Variants in ZNF90 observed in about 807,000 individuals in gnomAD.
The protein encoded by ZNF90 is zinc finger protein HTF9.
Under a neutral mutation model 12.0 loss-of-function variants are expected in ZNF90, and 11 were observed. The observed-to-expected ratio is 0.92, with a 90% CI of 0.58 to 1.52. The LOEUF is 1.52. ZNF90 is among the 40% of genes most tolerant of loss of function. The probability of loss-of-function intolerance (pLI) is 0.00; values close to 1 mark genes in which losing one functional copy is unlikely to be tolerated. For synonymous variants in ZNF90, 232 were observed against 240.1 expected, an observed-to-expected ratio of 0.97 and a Z score of 0.31; for missense variants, 765 against 711.5, an observed-to-expected ratio of 1.08 and a Z score of -0.86.
chr19:20,081,408 C>T (rs1427404650), intron 1 of ZNF90, among the ~76,000 whole-genome samples: 1 of 152,150 alleles, frequency 6.6e-6, no homozygotes, highest in Non-Finnish European at 1.5e-5. Flanking sequence ...ACGCTGGTCT[C>T]AAAATCCTGA....
chr19:20,116,364 T>C (rs1194340201), intron 3 of ZNF90, among the ~76,000 whole-genome samples: 1 of 152,182 alleles, frequency 6.6e-6, no homozygotes, highest in Non-Finnish European at 1.5e-5. Flanking sequence ...GATACAGGGT[T>C]TCACCATGTT....
chr19:20,112,300 G>C (rs961573988), intron 3 of ZNF90, among the ~76,000 whole-genome samples: 1 of 151,152 alleles, frequency 6.6e-6, no homozygotes, highest in African/African-American at 2.4e-5. Flanking sequence ...AGGGCAGTGG[G>C]CACTATTGCA....
At chr19:20,093,986 G>C (rs967317597) in intron 1 of ZNF90, among the ~76,000 whole-genome samples, 4 of 152,242 alleles carry the variant, frequency 2.6e-5, no homozygotes, top group Non-Finnish European at 5.9e-5. Flanking sequence ...TGGGCAGTCT[G>C]ATTTGCAGTG....
At chr19:20,108,090 G>A (rs1007279486) in intron 3 of ZNF90, among the ~76,000 whole-genome samples, 5 of 152,008 alleles carry the variant, frequency 3.3e-5, no homozygotes, top group African/African-American at 9.7e-5. Flanking sequence ...CAGCAGTTGC[G>A]TTTTGTGTAA....
chr19:20,104,615 G>A (rs2089016927), intron 2 of ZNF90, among the ~76,000 whole-genome samples: 2 of 152,082 alleles, frequency 1.3e-5, no homozygotes, highest in Non-Finnish European at 2.9e-5. Flanking sequence ...AAATTTAGTG[G>A]CATAAAATAT....
chr19:20,080,060 C>T (rs547339588), intron 1 of ZNF90: 8 of 334,352 alleles, frequency 2.4e-5, no homozygotes, highest in South Asian at 1.5e-4. Flanking sequence ...CTCAGCCTCC[C>T]GAGTAGCTGG....
intron 1 of ZNF90, among the ~76,000 whole-genome samples, chr19:20,098,075 G>A (rs2122497436): frequency 6.6e-6 from 1 of 151,952 alleles, no homozygotes; most frequent in Non-Finnish European, 1.5e-5. Flanking sequence ...ACCCAAATAA[G>A]CTGTCTACTT....
chr19:20,101,257 G>C (rs182382469), intron 1 of ZNF90, among the ~76,000 whole-genome samples: 22 of 152,302 alleles, frequency 1.4e-4, no homozygotes, highest in Admixed American at 6.5e-4. Flanking sequence ...ACTAGTCGCT[G>C]GGTTCCACGG....
At chr19:20,108,027 T>G (rs1319414422) in intron 3 of ZNF90, among the ~76,000 whole-genome samples, 5 of 151,544 alleles carry the variant, frequency 3.3e-5, no homozygotes, top group Non-Finnish European at 7.4e-5. Context: ...AAAATATATA[T>G]TTTTTCTATA....
chr19:20,111,312 C>G (rs981251259), intron 3 of ZNF90, among the ~76,000 whole-genome samples: 5 of 152,082 alleles, frequency 3.3e-5, no homozygotes, highest in African/African-American at 1.2e-4. Flanking sequence ...CCAAACCTCC[C>G]AAATTCAGGT....
intron 1 of ZNF90, among the ~76,000 whole-genome samples, chr19:20,085,415 G>C (rs568918012): frequency 1.3e-5 from 2 of 151,892 alleles, no homozygotes; most frequent in East Asian, 3.9e-4. Context: ...GCCTGCCACC[G>C]CGCCCGGCTA....
intron 1 of ZNF90, among the ~76,000 whole-genome samples, chr19:20,102,025 C>T (rs782709772): frequency 2.0e-5 from 3 of 152,160 alleles, no homozygotes; most frequent in Non-Finnish European, 4.4e-5. Flanking sequence ...GAATTCTTAG[C>T]AAGAATTTAT....
Position 20,117,044 on chromosome 19 carries a change from T to TGA in ZNF90, c.227-736_227-735insAG, listed in dbSNP as rs1329078264. 4.5e-3 allele frequency among the ~76,000 whole-genome samples: 656 copies of TGA among 145,632 alleles called. 18 individuals are homozygous for TGA. Among genetic ancestry groups the TGA allele is most frequent in the Admixed American group, 0.038 (560 of 14,614 alleles). On this transcript the variant is annotated intron_variant, in intron 3 of 3. Transcript: ENST00000418063. ...GTGTGTGTGTGTGTGTGTGTGTGTG[T>TGA]GTGAGAGAGAGAGAGAGAGACAGAA...
At chr19:20,107,796 TTTGATGGTATAC>T (rs1304398224) in intron 3 of ZNF90, among the ~76,000 whole-genome samples, 7 of 152,182 alleles carry the variant, frequency 4.6e-5, no homozygotes, top group Non-Finnish European at 1.0e-4. Flanking sequence ...TATGCCAGAA[TTTGATGGTATAC>T]TTGAAGTGAA....
At chr19:20,090,903 C>A (rs1251130743) in intron 1 of ZNF90, among the ~76,000 whole-genome samples, 1 of 152,096 alleles carries the variant, frequency 6.6e-6, no homozygotes, top group Admixed American at 6.6e-5. Context: ...TTTAAAAGAC[C>A]ATTAGTCCGT....
At chr19:20,096,436 A>C (rs1316659603) in intron 1 of ZNF90, among the ~76,000 whole-genome samples, 3 of 152,136 alleles carry the variant, frequency 2.0e-5, no homozygotes, top group Non-Finnish European at 4.4e-5. Context: ...AAAGAGAGTC[A>C]GCGAAGGGAG....
rs143080848 is a variant in ZNF90 at position 20,083,460 on chromosome 19, T to G, written c.3+5325T>G. Among the ~76,000 whole-genome samples the G allele has an allele frequency of 4.6e-3, 699 of 152,184 alleles. 10 individuals are homozygous for G. Among genetic ancestry groups the G allele is most frequent in the African/African-American group, 0.016 (664 of 41,526 alleles). On this transcript the variant is annotated intron_variant, in intron 1 of 3. Transcript: ENST00000418063. ...CTCCTGCCTCAGCCTCCCAAGTAGC[T>G]AGTATTATAGGCGTGCACCACCACG... is the stretch of plus-strand genomic sequence containing the variant.
At chr19:20,101,753 AAGG>A (rs1161292069) in intron 1 of ZNF90, among the ~76,000 whole-genome samples, 1 of 152,098 alleles carries the variant, frequency 6.6e-6, no homozygotes, top group Non-Finnish European at 1.5e-5. Flanking sequence ...AATTCCAGAG[AAGG>A]AGGAGAAAGA....
At position 20,097,368 on chromosome 19, in the gene ZNF90, A is replaced by G. The variant is rs543409996; in HGVS notation, c.4-6871A>G. ...GCAGCACAGTGCACGCTGTCCCCTA[A>G]AGATGCAGGCAGAATTGTGTCTCAG... On this transcript the variant is annotated intron_variant, in intron 1 of 3. Coordinates refer to ENST00000418063, the MANE Select transcript of ZNF90 (RefSeq NM_007138.2). 2.0e-5 allele frequency among the ~76,000 whole-genome samples: 3 copies of G among 152,322 alleles called. No homozygotes were observed. In the South Asian group the frequency reaches 6.2e-4, roughly 32 times the overall value.
Sources: gnomAD v4.1 joint callset for allele counts (sites outside exome capture counted in the v4.1 genomes callset) on GRCh38, gnomAD v4.1.1 for gene constraint, MANE v1.5 for transcripts, NCBI Gene and HGNC (gene_info 2026-07-23, HGNC 2026-07-21) for gene names.